UNC13C: variants seen among roughly 807,000 people sequenced by gnomAD.
The protein encoded by UNC13C is unc-13 homolog C, also known as protein unc-13 homolog C.
Under a neutral mutation model 245.4 loss-of-function variants are expected in UNC13C, and 174 were observed. That is an observed-to-expected ratio of 0.71 (90% CI 0.63 to 0.80). UNC13C has a LOEUF of 0.80. Ranked by LOEUF, UNC13C falls within the 30% of genes least tolerant of loss-of-function variation. The pLI, the probability that UNC13C is intolerant of heterozygous loss-of-function variation, is 0.00. For synonymous variants in UNC13C, 992 were observed against 895.1 expected, an observed-to-expected ratio of 1.11 and a Z score of -1.93; for missense variants, 2,829 against 2,602.9, an observed-to-expected ratio of 1.09 and a Z score of -1.89.
intron 16 of UNC13C, among the ~76,000 whole-genome samples, chr15:54,336,072 A>G (rs762923512): frequency 2.0e-5 from 3 of 152,034 alleles, no homozygotes; most frequent in Admixed American, 2.0e-4. Context: ...TTTCTATCTG[A>G]ATATCTTTTT....
intron 2 of UNC13C, among the ~76,000 whole-genome samples, chr15:54,096,277 G>A (rs1006516627): frequency 1.3e-5 from 2 of 151,938 alleles, no homozygotes; most frequent in Non-Finnish European, 2.9e-5. Context: ...GCTGGTTTGT[G>A]CTAGGTCAGG....
At chr15:54,478,903 C>G (rs1296617675) in intron 19 of UNC13C, among the ~76,000 whole-genome samples, 1 of 151,968 alleles carries the variant, frequency 6.6e-6, no homozygotes, top group Non-Finnish European at 1.5e-5. Flanking sequence ...CTAATGTTGA[C>G]AGTGGGGTGT....
rs530453941 is a variant in UNC13C at position 54,503,524 on chromosome 15, G to A, written c.5301+2546G>A. On this transcript the variant is annotated intron_variant, in intron 22 of 32. Coordinates refer to ENST00000260323, the MANE Select transcript of UNC13C (RefSeq NM_001080534.3). The stretch of plus-strand genomic sequence containing the variant: ...CCGCTCACTGCAACCTTCACCTCCC[G>A]GGTTCAAGTGATTCTCCTGCCTCAG... Among the ~76,000 whole-genome samples, 15 of 151,134 alleles carry A rather than the reference G, an allele frequency of 9.9e-5. No individual in the cohort carries two copies. The South Asian group carries it at 2.9e-3, about 30-fold the overall frequency.
At chr15:54,480,290 A>G (rs1893032113) in intron 19 of UNC13C, among the ~76,000 whole-genome samples, 1 of 151,478 alleles carries the variant, frequency 6.6e-6, no homozygotes, top group Non-Finnish European at 1.5e-5. Flanking sequence ...ATTATATTTA[A>G]TAATATAAAA....
intron 19 of UNC13C, among the ~76,000 whole-genome samples, chr15:54,423,928 A>T (rs925663189): frequency 1.3e-5 from 2 of 151,854 alleles, no homozygotes; most frequent in African/African-American, 4.8e-5. Context: ...GGTTTTTAGA[A>T]TTTTTTTAGA....
At chr15:54,442,644 T>C (rs2140992464) in intron 19 of UNC13C, among the ~76,000 whole-genome samples, 1 of 152,262 alleles carries the variant, frequency 6.6e-6, no homozygotes, top group African/African-American at 2.4e-5. Context: ...ATTGAGAAGA[T>C]TTATCATGAA....
intron 2 of UNC13C, among the ~76,000 whole-genome samples, chr15:54,028,137 G>T (rs1896195185): frequency 6.6e-6 from 1 of 152,130 alleles, no homozygotes; most frequent in Admixed American, 6.5e-5. Context: ...AGTGTTGGCT[G>T]GGATCTATGT....
chr15:54,450,721 G>T (rs1303781060), intron 19 of UNC13C, among the ~76,000 whole-genome samples: 1 of 152,210 alleles, frequency 6.6e-6, no homozygotes, highest in South Asian at 2.1e-4. Flanking sequence ...GCGCTTCCCG[G>T]TTGAGGTGAT....
intron 1 of UNC13C, among the ~76,000 whole-genome samples, chr15:54,005,839 A>G (rs1040549735): frequency 4.6e-5 from 7 of 152,182 alleles, no homozygotes; most frequent in African/African-American, 1.7e-4. Context: ...GACCTAGAGC[A>G]GAGGGTATAC....
the UNC13C span, among the ~76,000 whole-genome samples, chr15:53,926,794 A>G: frequency 6.6e-6 from 1 of 152,198 alleles, no homozygotes; most frequent in South Asian, 2.1e-4. Flanking sequence ...TTCATGTTCC[A>G]GAGAGAAGGA....
At chr15:54,352,843 T>C (rs1367179580) in intron 17 of UNC13C, among the ~76,000 whole-genome samples, 1 of 152,156 alleles carries the variant, frequency 6.6e-6, no homozygotes, top group Non-Finnish European at 1.5e-5. Flanking sequence ...TATGGCTCTC[T>C]ATAGAGGTGT....
At chr15:53,874,824 G>A in the UNC13C span, among the ~76,000 whole-genome samples, 4 of 152,256 alleles carry the variant, frequency 2.6e-5, no homozygotes, top group African/African-American at 9.6e-5. Flanking sequence ...GGCTAGGCGC[G>A]GTGGCTCACG....
chr15:53,838,672 A>C, the UNC13C span, among the ~76,000 whole-genome samples: 2 of 151,980 alleles, frequency 1.3e-5, no homozygotes, highest in Admixed American at 1.3e-4. Context: ...TTTATTTAGG[A>C]TATATGCACT....
intron 2 of UNC13C, among the ~76,000 whole-genome samples, chr15:54,133,769 ATATC>A (rs1357844491): frequency 3.3e-5 from 5 of 152,140 alleles, no homozygotes; most frequent in South Asian, 2.1e-4. Context: ...TGTATTTACT[ATATC>A]TATCTATATA....
At chr15:54,168,264 A>C (rs1361373791) in intron 4 of UNC13C, among the ~76,000 whole-genome samples, 1 of 152,076 alleles carries the variant, frequency 6.6e-6, no homozygotes, top group African/African-American at 2.4e-5. Flanking sequence ...TCGCTGGTTT[A>C]CATTGCTATT....
intron 4 of UNC13C, among the ~76,000 whole-genome samples, chr15:54,201,739 C>G (rs757572780): frequency 1.3e-5 from 2 of 151,824 alleles, no homozygotes; most frequent in East Asian, 3.9e-4. Context: ...AAGCATTTCC[C>G]CTGAGAACTG....
At chr15:54,465,243 T>C (rs1892105669) in intron 19 of UNC13C, among the ~76,000 whole-genome samples, 1 of 152,060 alleles carries the variant, frequency 6.6e-6, no homozygotes, top group South Asian at 2.1e-4. Context: ...TATCTTCAGT[T>C]TACCCTAATA....
chr15:54,574,546 G>A (rs1897881706), intron 30 of UNC13C, among the ~76,000 whole-genome samples: 1 of 152,122 alleles, frequency 6.6e-6, no homozygotes, highest in African/African-American at 2.4e-5. Flanking sequence ...TTGAAACAAG[G>A]CACAGGATGA....
At chr15:54,073,735 T>C (rs921148424) in intron 2 of UNC13C, among the ~76,000 whole-genome samples, 10 of 152,232 alleles carry the variant, frequency 6.6e-5, no homozygotes, top group Non-Finnish European at 1.5e-4. Context: ...GGTTGTTTTT[T>C]TCTTGTAAAT....
Sources: gnomAD v4.1 joint callset for allele counts (sites outside exome capture counted in the v4.1 genomes callset) on GRCh38, gnomAD v4.1.1 for gene constraint, MANE v1.5 for transcripts, NCBI Gene and HGNC (gene_info 2026-07-23, HGNC 2026-07-21) for gene names.